Variants in NTRK2 observed in about 807,000 individuals in gnomAD.
NTRK2 encodes neurotrophic receptor tyrosine kinase 2.
NTRK2 carries 13 observed loss-of-function variants against 94.5 expected under a neutral mutation model. That is an observed-to-expected ratio of 0.14 (90% confidence interval 0.09 to 0.22). The LOEUF is 0.22. Among genes scored for constraint, NTRK2 ranks in the 10% least tolerant of loss-of-function variants. The pLI is 1.00. For synonymous variants in NTRK2, 372 were observed against 407.4 expected, an observed-to-expected ratio of 0.91 and a Z score of 1.05; for missense variants, 639 against 1,071.2, an observed-to-expected ratio of 0.60 and a Z score of 5.63.
At chr9:84,728,212 T>C (rs2062596661) in intron 9 of NTRK2, among the ~76,000 whole-genome samples, 1 of 151,822 alleles carries the variant, frequency 6.6e-6, no homozygotes, top group Admixed American at 6.6e-5. Flanking sequence ...AGAGGACAAC[T>C]GCAACGATGT....
At chr9:84,858,183 A>C (rs1346297413) in intron 12 of NTRK2, among the ~76,000 whole-genome samples, 1 of 151,938 alleles carries the variant, frequency 6.6e-6, no homozygotes, top group East Asian at 1.9e-4. Flanking sequence ...TTCAGGCCAC[A>C]ATTCTCTCAT....
intron 14 of NTRK2, among the ~76,000 whole-genome samples, chr9:84,926,189 T>G (rs370109429): frequency 7.5e-6 from 1 of 133,256 alleles, no homozygotes; most frequent in African/African-American, 2.9e-5. Context: ...TTTCTTTCTT[T>G]CTTTCTTTCT....
Position 84,744,955 on chromosome 9 carries a change from C to T in NTRK2, c.1196-18C>T, listed in dbSNP as rs2063936701. ...GACAACTTCATGTTCTTCCTCATTC[C>T]CCCTTTGCCCACTTAAGATTATGGA... On this transcript the variant is annotated intron_variant, in intron 10 of 18. Coordinates refer to ENST00000277120, the MANE Select transcript of NTRK2 (RefSeq NM_006180.6). 1.9e-6 allele frequency: 3 copies of T among 1,571,572 alleles called. No individual in the cohort carries two copies. The African/African-American group carries it at 4.1e-5, about 21-fold the overall frequency.
chr9:84,986,163 C>T (rs1014849010), intron 17 of NTRK2, among the ~76,000 whole-genome samples: 16 of 152,096 alleles, frequency 1.1e-4, no homozygotes, highest in African/African-American at 3.1e-4. Flanking sequence ...GCCCCCAAAC[C>T]GTGTGATGTT....
intron 2 of NTRK2, among the ~76,000 whole-genome samples, chr9:84,675,322 TCC>T (rs2058971712): frequency 7.8e-6 from 1 of 128,020 alleles, no homozygotes; most frequent in Admixed American, 9.8e-5. Flanking sequence ...TTTCTTTCTT[TCC>T]TTTTTTTTTT....
chr9:84,822,974 C>G (rs2072947405), intron 12 of NTRK2, among the ~76,000 whole-genome samples: 1 of 152,096 alleles, frequency 6.6e-6, no homozygotes, highest in African/African-American at 2.4e-5. Flanking sequence ...ACACAATGAC[C>G]AACCTACACC....
intron 12 of NTRK2, among the ~76,000 whole-genome samples, chr9:84,849,353 G>A (rs1277265175): frequency 6.6e-6 from 1 of 152,124 alleles, no homozygotes; most frequent in Non-Finnish European, 1.5e-5. Flanking sequence ...GGTCATTTCT[G>A]CTTACTTTTT....
chr9:84,989,044 TC>T (rs1443283584), intron 17 of NTRK2, among the ~76,000 whole-genome samples: 1 of 152,174 alleles, frequency 6.6e-6, no homozygotes. Flanking sequence ...AATGCAAATA[TC>T]CCGAATCAGA....
At chr9:84,998,207 C>G (rs1829970680) in intron 17 of NTRK2, among the ~76,000 whole-genome samples, 1 of 152,228 alleles carries the variant, frequency 6.6e-6, no homozygotes, top group Non-Finnish European at 1.5e-5. Context: ...TTTCCAGGCA[C>G]AAGCAAGCAG....
At chr9:84,779,795 T>G (rs991645164) in intron 12 of NTRK2, among the ~76,000 whole-genome samples, 7 of 152,224 alleles carry the variant, frequency 4.6e-5, no homozygotes, top group African/African-American at 1.7e-4. Context: ...TTTGAAGAAC[T>G]TTTCTCAACG....
chr9:84,972,420 A>G (rs551287534), intron 17 of NTRK2, among the ~76,000 whole-genome samples: 63 of 152,310 alleles, frequency 4.1e-4, no homozygotes, highest in African/African-American at 1.5e-3. Flanking sequence ...ATTGTGTTCT[A>G]TGGAACCCAG....
intron 9 of NTRK2, among the ~76,000 whole-genome samples, chr9:84,731,098 C>T (rs1007907244): frequency 2.0e-5 from 3 of 152,164 alleles, no homozygotes; most frequent in Non-Finnish European, 4.4e-5. Context: ...ATTAATGTGA[C>T]ATCTCTGGTG....
chr9:84,813,366 G>A (rs1344288571), intron 12 of NTRK2: 1 of 1,046,496 alleles, frequency 9.6e-7, no homozygotes, highest in Non-Finnish European at 1.2e-6. Flanking sequence ...TTGTTAAAAA[G>A]TTGGCTCAAT....
At chr9:84,723,792 A>G (rs2062238914) in intron 7 of NTRK2, 83 bp downstream of exon 7, 2 of 1,555,336 alleles carry the variant, frequency 1.3e-6, no homozygotes, top group Admixed American at 3.3e-5. Flanking sequence ...AGTGATGATC[A>G]TTTGATATTT....
At chr9:84,945,964 A>T (rs1243173675) in intron 15 of NTRK2, among the ~76,000 whole-genome samples, 1 of 152,168 alleles carries the variant, frequency 6.6e-6, no homozygotes, top group East Asian at 1.9e-4. Flanking sequence ...TCCCTGGGGA[A>T]CTTCACCTGT....
intron 12 of NTRK2, chr9:84,814,774 G>T: frequency 9.4e-7 from 1 of 1,064,244 alleles, no homozygotes; most frequent in Non-Finnish European, 1.1e-6. Flanking sequence ...CTAGCATAGG[G>T]TCTCTCAGGG....
intron 12 of NTRK2, among the ~76,000 whole-genome samples, chr9:84,765,699 C>A (rs956221806): frequency 4.6e-5 from 7 of 152,070 alleles, no homozygotes; most frequent in African/African-American, 7.2e-5. Context: ...TATTGTCTTG[C>A]CCCTGGGTAA....
intron 12 of NTRK2, among the ~76,000 whole-genome samples, chr9:84,775,137 G>A (rs1424122185): frequency 1.3e-5 from 2 of 152,222 alleles, no homozygotes; most frequent in African/African-American, 4.8e-5. Flanking sequence ...ATGAGGCTGA[G>A]AGAGGCCGTC....
intron 2 of NTRK2, among the ~76,000 whole-genome samples, chr9:84,694,721 A>C (rs556787386): frequency 6.6e-6 from 1 of 152,240 alleles, no homozygotes; most frequent in Admixed American, 6.5e-5. Flanking sequence ...TCATAGTTGA[A>C]ATGCCGTGGC....
Sources: gnomAD v4.1 joint callset for allele counts (sites outside exome capture counted in the v4.1 genomes callset) on GRCh38, gnomAD v4.1.1 for gene constraint, MANE v1.5 for transcripts, NCBI Gene and HGNC (gene_info 2026-07-23, HGNC 2026-07-21) for gene names.